INVS: variants seen among roughly 807,000 people sequenced by gnomAD.
The protein encoded by INVS is inversion of embryo turning homolog.
Under a neutral mutation model 108.8 loss-of-function variants are expected in INVS, and 86 were observed. That is an observed-to-expected ratio of 0.79 (90% CI 0.66 to 0.95). The LOEUF (loss-of-function observed/expected upper bound fraction) is 0.95. Ranked by LOEUF, INVS falls within the 40% of genes least tolerant of loss-of-function variation. The pLI, the probability that INVS is intolerant of heterozygous loss-of-function variation, is 0.00. For missense variants in INVS, 1,169 were observed against 1,297.4 expected (o/e 0.90, Z 1.52); for synonymous variants, 455 against 473.5 (o/e 0.96, Z 0.51).
intron 3 of INVS, among the ~76,000 whole-genome samples, chr9:100,174,474 C>T (rs899622184): frequency 6.6e-6 from 1 of 150,796 alleles, no homozygotes; most frequent in Non-Finnish European, 1.5e-5. Context: ...ATTGAAAGAC[C>T]AAACTGTTTG....
intron 3 of INVS, among the ~76,000 whole-genome samples, chr9:100,216,953 C>G (rs1831008603): frequency 6.6e-6 from 1 of 152,202 alleles, no homozygotes; most frequent in African/African-American, 2.4e-5. Flanking sequence ...TCTTCTCACC[C>G]TTGAACCTAA....
intron 3 of INVS, among the ~76,000 whole-genome samples, chr9:100,187,335 C>T (rs138208568): frequency 8.0e-4 from 122 of 151,952 alleles, no homozygotes; most frequent in African/African-American, 2.9e-3. Flanking sequence ...TTTGGCTGTC[C>T]AGACTCTTTT....
rs10527613 is a variant in INVS at position 100,301,139 on chromosome 9, TCACACACACACACACA to T, written c.*490_*505del. ...CCTGGCATCTAATGCAACAAACTTA[TCACACACACACACACA>T]CACACACACACACACACACACACAT... On this transcript the variant is annotated 3_prime_UTR_variant, in exon 17 of 17. Transcript: ENST00000262457. 2,659 of 167,882 alleles carry T rather than the reference TCACACACACACACACA, an allele frequency of 0.016. 72 individuals carry two copies. The highest frequency in any genetic ancestry group is 0.092 in the African/African-American group (2,540 of 27,720). The allele number at this position is 167,882 out of a possible 1,614,324, so 10.4% of individuals were successfully genotyped here. A position where few individuals can be genotyped will look rare whatever the true frequency, so the allele number is the denominator to read the frequency against.
chr9:100,150,851 A>G (rs1828786829), intron 3 of INVS, among the ~76,000 whole-genome samples: 1 of 152,172 alleles, frequency 6.6e-6, no homozygotes, highest in African/African-American at 2.4e-5. Flanking sequence ...AAGCTTTCAC[A>G]AGGTGCAAAT....
At chr9:100,143,730 G>A (rs1588035203) in intron 3 of INVS, among the ~76,000 whole-genome samples, 2 of 152,104 alleles carry the variant, frequency 1.3e-5, no homozygotes, top group East Asian at 3.9e-4. Context: ...TGTCTAAGTT[G>A]GCACCAGAGT....
chr9:100,135,979 CAGGTTTCAA>C (rs909302267), intron 3 of INVS, among the ~76,000 whole-genome samples: 1 of 151,814 alleles, frequency 6.6e-6, no homozygotes, highest in Non-Finnish European at 1.5e-5. Flanking sequence ...GCCAGAGGGA[CAGGTTTCAA>C]GCAGAAGAGG....
At chr9:100,182,161 G>A (rs920021471) in intron 3 of INVS, among the ~76,000 whole-genome samples, 6 of 151,910 alleles carry the variant, frequency 3.9e-5, no homozygotes, top group South Asian at 2.1e-4. Flanking sequence ...CCATAAAAAC[G>A]CTAGAAGAAA....
At chr9:100,169,204 T>C (rs1194605243) in intron 3 of INVS, among the ~76,000 whole-genome samples, 1 of 152,224 alleles carries the variant, frequency 6.6e-6, no homozygotes, top group Non-Finnish European at 1.5e-5. Flanking sequence ...GAATTATGCA[T>C]TGGCTAAATT....
At chr9:100,243,783 G>T (rs1831955009) in intron 7 of INVS, among the ~76,000 whole-genome samples, 1 of 152,126 alleles carries the variant, frequency 6.6e-6, no homozygotes, top group South Asian at 2.1e-4. Flanking sequence ...GCAGAGATGG[G>T]CGGATCACCT....
chr9:100,203,440 C>T (rs1001144879), intron 3 of INVS, among the ~76,000 whole-genome samples: 4 of 147,464 alleles, frequency 2.7e-5, no homozygotes, highest in African/African-American at 1.0e-4. Context: ...AAAAGAAATA[C>T]AAATTATAAA....
intron 3 of INVS, among the ~76,000 whole-genome samples, chr9:100,162,077 G>C (rs1829208779): frequency 6.6e-6 from 1 of 152,186 alleles, no homozygotes; most frequent in Admixed American, 6.5e-5. Context: ...ACAAAAAGGA[G>C]CCGGAAATAA....
At chr9:100,286,616 A>G (rs1231419637) in intron 13 of INVS, among the ~76,000 whole-genome samples, 1 of 152,222 alleles carries the variant, frequency 6.6e-6, no homozygotes, top group African/African-American at 2.4e-5. Context: ...TGTAATCCTT[A>G]AGGATTATAT....
At chr9:100,255,766 A>C (rs1205483292) in intron 10 of INVS, among the ~76,000 whole-genome samples, 3 of 152,190 alleles carry the variant, frequency 2.0e-5, no homozygotes, top group Non-Finnish European at 4.4e-5. Context: ...GATGAAGCCC[A>C]CTTGATCATG....
chr9:100,293,098 C>T (rs1833679094), intron 14 of INVS, 55 bp downstream of exon 14: 2 of 1,499,282 alleles, frequency 1.3e-6, no homozygotes, highest in Non-Finnish European at 1.9e-6. Context: ...ATATTCTCAA[C>T]ATGACATCTG....
intron 8 of INVS, 143 bp downstream of exon 8, chr9:100,246,930 G>A (rs1588118984): frequency 1.3e-6 from 1 of 799,182 alleles, no homozygotes. Context: ...TTAAGTTTGG[G>A]TTTGCCAGGA....
chr9:100,184,545 GTAT>G (rs1437455850), intron 3 of INVS, among the ~76,000 whole-genome samples: 2 of 152,150 alleles, frequency 1.3e-5, no homozygotes, highest in African/African-American at 2.4e-5. Context: ...GGTTTGTGTA[GTAT>G]TTAACATATA....
intron 3 of INVS, among the ~76,000 whole-genome samples, chr9:100,160,155 T>C (rs780687776): frequency 1.3e-5 from 2 of 152,206 alleles, no homozygotes; most frequent in African/African-American, 4.8e-5. Context: ...AGCAAGCATA[T>C]TCTGAGGGCA....
intron 3 of INVS, chr9:100,175,914 C>T: frequency 1.7e-6 from 1 of 585,708 alleles, no homozygotes; most frequent in Non-Finnish European, 3.3e-6. Flanking sequence ...GCAAATTCTT[C>T]TCTCAGTGAC....
intron 3 of INVS, among the ~76,000 whole-genome samples, chr9:100,161,822 T>A (rs1453646054): frequency 1.3e-5 from 2 of 152,128 alleles, no homozygotes; most frequent in Non-Finnish European, 2.9e-5. Context: ...AGAGTCAAGG[T>A]AAGCCCCAAA....
Sources: gnomAD v4.1 joint callset for allele counts (sites outside exome capture counted in the v4.1 genomes callset) on GRCh38, gnomAD v4.1.1 for gene constraint, MANE v1.5 for transcripts, NCBI Gene and HGNC (gene_info 2026-07-23, HGNC 2026-07-21) for gene names.